SYNE2: variants seen among roughly 807,000 people sequenced by gnomAD.
The protein encoded by SYNE2 is nesprin-2.
In SYNE2, 431 loss-of-function variants were observed where a neutral mutation model predicts 856.3. The observed-to-expected ratio is 0.50, with a 90% CI of 0.47 to 0.55. SYNE2 has a LOEUF of 0.55. Among genes scored for constraint, SYNE2 ranks in the 20% least tolerant of loss-of-function variants. The pLI, the probability that SYNE2 is intolerant of heterozygous loss-of-function variation, is 0.00. For missense variants in SYNE2, 8,129 were observed against 8,023.2 expected (o/e 1.01, Z -0.50); for synonymous variants, 2,923 against 2,872.3 (o/e 1.02, Z -0.56).
intron 2 of SYNE2, among the ~76,000 whole-genome samples, chr14:63,916,506 T>A (rs1395143658): frequency 1.3e-5 from 2 of 152,176 alleles, no homozygotes; most frequent in Non-Finnish European, 2.9e-5. Context: ...TTTCTGAATA[T>A]TTTAGGTTTT....
chr14:63,837,332 C>T (rs770018477), intron 1 of SYNE2, among the ~76,000 whole-genome samples: 52 of 152,112 alleles, frequency 3.4e-4, no homozygotes, highest in African/African-American at 1.1e-3. Context: ...AGAGCTAAAA[C>T]TATGAAACTC....
rs1437368487 is a variant in SYNE2, at chr14:64,048,057, A to T, written c.7279A>T (p.Met2427Leu). 6.2e-7 allele frequency: 1 copy of T among 1,613,856 alleles called. No homozygotes were observed. The highest frequency in any genetic ancestry group is 8.5e-7 in the Non-Finnish European group (1 of 1,179,844). ...ACTTTCTCTTAATGCTCAAGAAAGC[A>T]TGAAAAACACTGAAGATGAGCGGAA... ...KQLSLNAQES[M>L]KNTEDERKVN... Residue 2427 changes from methionine (M) to leucine (L), a missense_variant, in exon 46 of 116, where the codon ATG (methionine) becomes TTG (leucine). Physicochemically the swap from Met to Leu is conservative, Grantham distance 15. This residue lies in a region of SYNE2 where 5,410 missense variants were observed against 5,284.8 expected (regional missense o/e 1.02). Coordinates refer to ENST00000555002, the MANE Select transcript of SYNE2 (RefSeq NM_182914.3).
At chr14:63,949,506 GATTT>G (rs1277423448) in intron 6 of SYNE2, among the ~76,000 whole-genome samples, 1 of 152,066 alleles carries the variant, frequency 6.6e-6, no homozygotes, top group East Asian at 1.9e-4. Flanking sequence ...GGTTCAGTTC[GATTT>G]ATTTGACAGG....
intron 29 of SYNE2, 65 bp from the exon 30 acceptor site, chr14:64,002,655 G>A (rs1032792465): frequency 1.3e-6 from 2 of 1,568,072 alleles, no homozygotes; most frequent in Non-Finnish European, 1.7e-6. Context: ...TTTGGGGCTA[G>A]TTTCTCACAT....
At chr14:63,780,799 G>A (rs923604788) in intron 1 of SYNE2, among the ~76,000 whole-genome samples, 1 of 152,094 alleles carries the variant, frequency 6.6e-6, no homozygotes, top group Admixed American at 6.6e-5. Context: ...CATAATCTAT[G>A]CTTCATTTGC....
intron 18 of SYNE2, among the ~76,000 whole-genome samples, chr14:63,986,147 T>G (rs759774922): frequency 6.6e-6 from 1 of 152,232 alleles, no homozygotes; most frequent in Non-Finnish European, 1.5e-5. Flanking sequence ...TTGCCCAGGC[T>G]GGAATGCAGT....
At chr14:64,006,115 C>A (rs2153511072) in intron 30 of SYNE2, among the ~76,000 whole-genome samples, 1 of 152,254 alleles carries the variant, frequency 6.6e-6, no homozygotes, top group African/African-American at 2.4e-5. Context: ...AGAATGAAAA[C>A]CTTATGGGAG....
At chr14:64,136,289 CAAAA>C (rs34694248) in intron 78 of SYNE2, among the ~76,000 whole-genome samples, 1 of 62,032 alleles carries the variant, frequency 1.6e-5, no homozygotes, top group African/African-American at 5.2e-5. Flanking sequence ...GACTTCATCT[CAAAA>C]AAAAAAAAAA....
At chr14:63,904,291 A>G (rs2095378423) in intron 1 of SYNE2, among the ~76,000 whole-genome samples, 1 of 152,120 alleles carries the variant, frequency 6.6e-6, no homozygotes, top group Non-Finnish European at 1.5e-5. Context: ...TTATGAGTGC[A>G]TGTGTCTTTT....
chr14:64,091,179 A>G (rs890572455), intron 60 of SYNE2, 131 bp downstream of exon 60: 1 of 823,596 alleles, frequency 1.2e-6, no homozygotes, highest in Non-Finnish European at 2.0e-6. Context: ...ATAAAAGCAT[A>G]TCTTCATGCT....
Position 64,165,281 on chromosome 14 carries a change from C to A in SYNE2, c.16480-4C>A. Reference sequence around the variant, plus strand: ...GTTTCTAATGAAAATTTCTCTTGTTCTAGTTTGTTCTCTCACAGTTTAAGG... The same window carrying A: ...GTTTCTAATGAAAATTTCTCTTGTTATAGTTTGTTCTCTCACAGTTTAAGG... On this transcript the variant is annotated splice_region_variant and splice_polypyrimidine_tract_variant and intron_variant, in intron 89 of 115. Transcript: ENST00000555002. The A allele has an allele frequency of 1.2e-6, 2 of 1,613,224 alleles. No homozygotes were observed. The highest frequency in any genetic ancestry group is 1.7e-6 in the Non-Finnish European group (2 of 1,179,376).
intron 1 of SYNE2, among the ~76,000 whole-genome samples, chr14:63,787,319 C>G (rs896241410): frequency 3.3e-5 from 5 of 152,182 alleles, no homozygotes; most frequent in African/African-American, 1.2e-4. Flanking sequence ...TACCCATTAA[C>G]TGACTCATCT....
In SYNE2 at chr14:64,025,153, A is replaced by G. The variant is rs1347199178; in HGVS notation, c.5984A>G (p.Gln1995Arg). Residue 1995 changes from glutamine (Q) to arginine (R), a missense_variant, in exon 41 of 116, where the codon CAA becomes CGA. Physicochemically the swap from Gln to Arg is conservative, Grantham distance 43 (BLOSUM62 1). Around this residue, in one of 3 missense-constraint regions of SYNE2, gnomAD observed 2,422 missense variants for 2,357.4 expected, o/e 1.03. Coordinates refer to ENST00000555002, the MANE Select transcript of SYNE2 (RefSeq NM_182914.3). Reference sequence around the variant, plus strand: ...AGGGAACAGTTTGAATCTGTGGCCCAATTGAACAACTCTTTGAAGGAATAT... The same window carrying G: ...AGGGAACAGTTTGAATCTGTGGCCCGATTGAACAACTCTTTGAAGGAATAT... Reference protein sequence around the residue: ...RKREQFESVAQLNNSLKEYGF... With the variant: ...RKREQFESVARLNNSLKEYGF... 3 of 1,614,022 alleles carry G rather than the reference A, an allele frequency of 1.9e-6. No homozygotes were observed. Among genetic ancestry groups the G allele is most frequent in the Non-Finnish European group, 2.5e-6 (3 of 1,180,002 alleles).
At chr14:64,206,993 T>A (rs2098608405) in intron 100 of SYNE2, among the ~76,000 whole-genome samples, 1 of 152,214 alleles carries the variant, frequency 6.6e-6, no homozygotes, top group African/African-American at 2.4e-5. Flanking sequence ...ACTTTAAAGT[T>A]AGTCCTCAAA....
intron 93 of SYNE2, 105 bp downstream of exon 93, chr14:64,169,076 G>C (rs2098397834): frequency 1.2e-6 from 1 of 862,442 alleles, no homozygotes; most frequent in Non-Finnish European, 1.9e-6. Flanking sequence ...GGTGCCCTGT[G>C]CCCTGTTGGT....
intron 1 of SYNE2, among the ~76,000 whole-genome samples, chr14:63,773,059 T>A (rs1041107210): frequency 6.6e-6 from 1 of 152,094 alleles, no homozygotes; most frequent in Non-Finnish European, 1.5e-5. Flanking sequence ...ATTACAGGCA[T>A]GAGCCACTGC....
At position 64,062,718 on chromosome 14, in the gene SYNE2, A is replaced by C. The variant is rs189835300; in HGVS notation, c.10068-33A>C. 4,670 of 1,582,240 alleles carry C rather than the reference A, an allele frequency of 3.0e-3. 16 individuals carry two copies. The highest frequency in any genetic ancestry group is 8.6e-3 in the Middle Eastern group (51 of 5,962). ...GAATTTATTGTGTTAAATAAAATTT[A>C]ATACCACTTTTTTTCTAACTGTGAC... On this transcript the variant is annotated intron_variant, in intron 49 of 115. Transcript: ENST00000555002.
chr14:64,161,483 A>G (rs1043566258), intron 87 of SYNE2, among the ~76,000 whole-genome samples: 1 of 152,236 alleles, frequency 6.6e-6, no homozygotes, highest in African/African-American at 2.4e-5. Context: ...TATAAATACA[A>G]AGTTAAAACC....
chr14:63,863,811 AT>A (rs1344973136), intron 1 of SYNE2, among the ~76,000 whole-genome samples: 2 of 151,974 alleles, frequency 1.3e-5, no homozygotes, highest in South Asian at 2.1e-4. Context: ...GATATGTTTT[AT>A]TTTTTTATCT....
Sources: gnomAD v4.1 joint callset for allele counts (sites outside exome capture counted in the v4.1 genomes callset) on GRCh38, gnomAD v4.1.1 for gene constraint, gnomAD v4.1.1 regional missense constraint, MANE v1.5 for transcripts, NCBI Gene and HGNC (gene_info 2026-07-23, HGNC 2026-07-21) for gene names.